ZCCHC14: variants seen among roughly 807,000 people sequenced by gnomAD.
ZCCHC14 encodes the protein zinc finger CCHC domain-containing protein 14.
Under a neutral mutation model 85.0 loss-of-function variants are expected in ZCCHC14, and 16 were observed. The ratio of observed to expected loss-of-function variants is 0.19; its 90% confidence interval spans 0.13 to 0.29. ZCCHC14 has a LOEUF of 0.29. Among genes scored for constraint, ZCCHC14 ranks in the 10% least tolerant of loss-of-function variants. The probability of loss-of-function intolerance (pLI) is 1.00; values close to 1 mark genes in which losing one functional copy is unlikely to be tolerated. For missense variants in ZCCHC14, 1,303 were observed against 1,443.5 expected (o/e 0.90, Z 1.58); for synonymous variants, 775 against 630.7 (o/e 1.23, Z -3.43).
In ZCCHC14 at chr16:87,417,736, C is replaced by T. The variant is rs201927471; in HGVS notation, c.1107G>A (p.Val369=). 3 of 1,591,930 alleles carry T rather than the reference C, an allele frequency of 1.9e-6. No homozygotes were observed. The highest frequency in any genetic ancestry group is 4.5e-5 in the East Asian group (2 of 44,664). ...AGGACGGGATACCAGCCACTCCACA[C>T]ACAGGCCTGTGGGACAGGGGCAGGA... ...GTVMGVSGRP[V]CGVAGIPSSQ... is the part of the protein sequence containing the mutation. Residue 369 remains valine, a synonymous_variant, in exon 8 of 13, where the codon GTG becomes GTA. Transcript: ENST00000671377.
chr16:87,449,485 C>G (rs566434610), intron 2 of ZCCHC14, among the ~76,000 whole-genome samples: 1 of 152,028 alleles, frequency 6.6e-6, no homozygotes, highest in Non-Finnish European at 1.5e-5. Flanking sequence ...GGTGCAGAGG[C>G]GCAGCGACAG....
chr16:87,411,494 C>T (rs762962169), intron 12 of ZCCHC14, 22 bp downstream of exon 12: 11 of 1,611,584 alleles, frequency 6.8e-6, no homozygotes, highest in South Asian at 2.2e-5. Flanking sequence ...GCCTGGTGGG[C>T]GCGGCCATGG....
chr16:87,468,509 G>A (rs1050011260), intron 1 of ZCCHC14, among the ~76,000 whole-genome samples: 3 of 151,478 alleles, frequency 2.0e-5, no homozygotes, highest in Non-Finnish European at 4.4e-5. Flanking sequence ...AGAGAAGCTG[G>A]GACTACAGGA....
At chr16:87,437,488 C>T (rs1909985414) in intron 2 of ZCCHC14, among the ~76,000 whole-genome samples, 1 of 152,126 alleles carries the variant, frequency 6.6e-6, no homozygotes, top group East Asian at 1.9e-4. Flanking sequence ...AATGGCGATT[C>T]GGCCACAGCG....
intron 2 of ZCCHC14, among the ~76,000 whole-genome samples, chr16:87,456,653 C>A (rs1005992067): frequency 6.7e-6 from 1 of 149,848 alleles, no homozygotes; most frequent in East Asian, 2.0e-4. Context: ...CTTTAGCTCT[C>A]TTCAGCTGTA....
Position 87,491,012 on chromosome 16 carries a change from C to T in ZCCHC14, c.570+657G>A, listed in dbSNP as rs541929032. 6.6e-6 allele frequency among the ~76,000 whole-genome samples: 1 copy of T among 152,392 alleles called. No homozygotes were observed. The highest frequency in any genetic ancestry group is 2.1e-4 in the South Asian group (1 of 4,834). On this transcript the variant is annotated intron_variant, in intron 1 of 12. Coordinates refer to ENST00000671377, the MANE Select transcript of ZCCHC14 (RefSeq NM_015144.3). The surrounding 1 kb of genome is among the most constrained non-coding windows in gnomAD (Gnocchi z 5.9). Reference sequence around the variant, plus strand: ...CTTGCAATGTTCACCTCACCGGCGGCTTCTGGCGTGGCCACGGCTCCTTCC... The same window carrying T: ...CTTGCAATGTTCACCTCACCGGCGGTTTCTGGCGTGGCCACGGCTCCTTCC...
At chr16:87,442,520 CA>C (rs2150745107) in intron 2 of ZCCHC14, among the ~76,000 whole-genome samples, 1 of 152,260 alleles carries the variant, frequency 6.6e-6, no homozygotes, top group Admixed American at 6.5e-5. Flanking sequence ...GATGCACAGA[CA>C]GACAGAAAGC....
In ZCCHC14 at chr16:87,412,381, TGAC is replaced by T. The variant is rs1908506122; in HGVS notation, c.2337_2339del (p.Ser781del). On this transcript the variant is annotated inframe_deletion, in exon 12 of 13. Transcript: ENST00000671377. ...AAATGGCAGAATCAGCAGGAACAGA[TGAC>T]GACAGCAGCAGTTTGATGGGCGGAC... is the stretch of plus-strand genomic sequence containing the variant. 2 of 1,614,206 alleles carry T rather than the reference TGAC, an allele frequency of 1.2e-6. No individual in the cohort carries two copies. Among genetic ancestry groups the T allele is most frequent in the East Asian group, 2.2e-5 (1 of 44,888 alleles).
chr16:87,414,760 A>T (rs926402457), intron 9 of ZCCHC14, among the ~76,000 whole-genome samples: 4 of 152,214 alleles, frequency 2.6e-5, no homozygotes, highest in African/African-American at 9.6e-5. Flanking sequence ...TTTCCTGTCA[A>T]ACCTAAGACA....
intron 1 of ZCCHC14, among the ~76,000 whole-genome samples, chr16:87,489,494 G>A (rs1196894206): frequency 6.6e-6 from 1 of 152,224 alleles, no homozygotes; most frequent in Non-Finnish European, 1.5e-5. Context: ...GGCCATAGAG[G>A]AGAAAGCAGC....
chr16:87,434,800 G>C (rs929248729), intron 2 of ZCCHC14, among the ~76,000 whole-genome samples: 1 of 152,112 alleles, frequency 6.6e-6, no homozygotes, highest in Non-Finnish European at 1.5e-5. Flanking sequence ...GAGCAGCCTG[G>C]CCAACATGGT....
At chr16:87,477,886 G>A (rs1368108838) in intron 1 of ZCCHC14, among the ~76,000 whole-genome samples, 2 of 132,356 alleles carry the variant, frequency 1.5e-5, no homozygotes, top group African/African-American at 6.0e-5. Context: ...ACACCGACAC[G>A]CCCCCACCGC....
intron 3 of ZCCHC14, among the ~76,000 whole-genome samples, chr16:87,431,472 G>GAAAAAAAAAAA (rs537437083): frequency 1.3e-5 from 1 of 76,750 alleles, no homozygotes; most frequent in Non-Finnish European, 2.9e-5. Context: ...GGCTCTGTCT[G>GAAAAAAAAAAA]AAAAAAAAAA....
intron 1 of ZCCHC14, chr16:87,470,978 T>A (rs957932539): frequency 1.3e-5 from 2 of 152,124 alleles, no homozygotes; most frequent in African/African-American, 2.4e-5. Context: ...CCCTACAAGA[T>A]GTGAATGATA....
intron 3 of ZCCHC14, among the ~76,000 whole-genome samples, chr16:87,426,871 A>G (rs1909398150): frequency 6.6e-6 from 1 of 152,254 alleles, no homozygotes; most frequent in South Asian, 2.1e-4. Context: ...CGAGAACAGG[A>G]TGCTATGAAA....
At chr16:87,470,328 T>G (rs1038767985) in intron 1 of ZCCHC14, 5 of 148,040 alleles carry the variant, frequency 3.4e-5, no homozygotes, top group African/African-American at 1.3e-4. Context: ...ACACCCCAAC[T>G]CAAATAAATA....
chr16:87,466,557 A>C (rs1034006446), intron 1 of ZCCHC14, among the ~76,000 whole-genome samples: 3 of 152,258 alleles, frequency 2.0e-5, no homozygotes, highest in Admixed American at 6.5e-5. Flanking sequence ...ACAGGACTGC[A>C]AACAAAGCCA....
rs1021761717 is a variant in ZCCHC14, at chr16:87,410,192, G to A, written c.*88C>T. The A allele has an allele frequency of 1.3e-5, 8 of 623,966 alleles. No homozygotes were observed. The highest frequency in any genetic ancestry group is 2.6e-4 in the Middle Eastern group (1 of 3,808). 38.7% of individuals were successfully genotyped at this position (623,966 alleles called of 1,614,324 possible). A position where few individuals can be genotyped will look rare whatever the true frequency, so the allele number is the denominator to read the frequency against. Reference sequence around the variant, plus strand: ...AGCACCTTTGGATTAAAAAGATTAAGCTCAACAGCAACTAGACTTCTCAGT... The same window carrying A: ...AGCACCTTTGGATTAAAAAGATTAAACTCAACAGCAACTAGACTTCTCAGT... On this transcript the variant is annotated 3_prime_UTR_variant, in exon 13 of 13. Coordinates refer to ENST00000671377, the MANE Select transcript of ZCCHC14 (RefSeq NM_015144.3).
At chr16:87,433,591 T>A (rs939227795) in intron 2 of ZCCHC14, among the ~76,000 whole-genome samples, 1 of 152,224 alleles carries the variant, frequency 6.6e-6, no homozygotes, top group Non-Finnish European at 1.5e-5. Context: ...TGCTCAGCAT[T>A]TTCAACTGTG....
Sources: allele counts gnomAD v4.1 joint callset (sites outside exome capture counted in the v4.1 genomes callset), GRCh38; gene constraint gnomAD v4.1.1; non-coding constraint Gnocchi (gnomAD v3.1); transcripts MANE v1.5; gene names NCBI Gene and HGNC (gene_info 2026-07-23, HGNC 2026-07-21).